Variants in SKAP2 observed in about 807,000 individuals in gnomAD.
SKAP2 encodes the protein src kinase associated phosphoprotein 2, also known as src kinase-associated phosphoprotein 2.
A neutral mutation model predicts 54.9 loss-of-function variants in SKAP2; 28 were observed. The ratio of observed to expected loss-of-function variants is 0.51; its 90% CI spans 0.38 to 0.70. The LOEUF (loss-of-function observed/expected upper bound fraction) is 0.70, where lower values mean the gene tolerates loss of function less well. Ranked by LOEUF, SKAP2 falls within the 30% of genes least tolerant of loss-of-function variation. The pLI, the probability that SKAP2 is intolerant of heterozygous loss-of-function variation, is 0.00. For synonymous variants in SKAP2, 137 were observed against 134.3 expected, an observed-to-expected ratio of 1.02 and a Z score of -0.14; for missense variants, 356 against 424.1, an observed-to-expected ratio of 0.84 and a Z score of 1.41.
intron 4 of SKAP2, among the ~76,000 whole-genome samples, chr7:26,798,912 A>G (rs1783843936): frequency 6.6e-6 from 1 of 152,156 alleles, no homozygotes; most frequent in Non-Finnish European, 1.5e-5. Flanking sequence ...AAAAACATAC[A>G]ACGGACACAC....
intron 6 of SKAP2, among the ~76,000 whole-genome samples, chr7:26,727,344 G>A (rs1787730208): frequency 6.6e-6 from 1 of 152,034 alleles, no homozygotes; most frequent in Non-Finnish European, 1.5e-5. Flanking sequence ...GATTTAGTAG[G>A]CCAGTGGGAA....
intron 6 of SKAP2, 25 bp downstream of exon 6, chr7:26,738,770 T>C (rs774291542): frequency 7.3e-7 from 1 of 1,367,548 alleles, no homozygotes; most frequent in Non-Finnish European, 1.0e-6. Context: ...CAATAGTAGT[T>C]GATATAATTG....
At chr7:26,809,461 CAAA>C (rs1205562284) in intron 4 of SKAP2, among the ~76,000 whole-genome samples, 1 of 151,226 alleles carries the variant, frequency 6.6e-6, no homozygotes. Context: ...AAACTTTTCT[CAAA>C]AGAAGACCTA....
chr7:26,741,925 G>A (rs1434710169), intron 4 of SKAP2, among the ~76,000 whole-genome samples: 3 of 151,764 alleles, frequency 2.0e-5, no homozygotes, highest in East Asian at 3.9e-4. Flanking sequence ...CAGCTCCTTG[G>A]TGGATCAACT....
chr7:26,705,496 T>C (rs1357465883), intron 9 of SKAP2, among the ~76,000 whole-genome samples: 1 of 152,210 alleles, frequency 6.6e-6, no homozygotes, highest in Non-Finnish European at 1.5e-5. Flanking sequence ...ACTATCTGAA[T>C]GTAGTTTAAC....
intron 9 of SKAP2, among the ~76,000 whole-genome samples, chr7:26,714,336 A>AT (rs1228143959): frequency 6.6e-6 from 1 of 152,220 alleles, no homozygotes; most frequent in African/African-American, 2.4e-5. Flanking sequence ...TTCTTTAATA[A>AT]GGAACAAAGG....
chr7:26,794,524 G>A (rs1783731370), intron 4 of SKAP2, among the ~76,000 whole-genome samples: 1 of 152,252 alleles, frequency 6.6e-6, no homozygotes, highest in African/African-American at 2.4e-5. Context: ...ATTCAGGGGA[G>A]GTTGTTAAAT....
intron 4 of SKAP2, among the ~76,000 whole-genome samples, chr7:26,802,484 T>A (rs1054876156): frequency 2.0e-5 from 3 of 152,082 alleles, no homozygotes; most frequent in African/African-American, 7.2e-5. Flanking sequence ...TTGGTCAGGC[T>A]GGTCTCGAGC....
rs148254284 is a variant in SKAP2, at chr7:26,768,091, C to T, written c.308-28127G>A. ...TCTCCCAGTGTCACTGTGTGGGAGT[C>T]TAAGTCTCTTTGTAGGTCTCTAAAA... On this transcript the variant is annotated intron_variant, in intron 4 of 12. Coordinates refer to ENST00000345317, the MANE Select transcript of SKAP2 (RefSeq NM_003930.5). Among the ~76,000 whole-genome samples, 165 of 152,262 alleles carry T rather than the reference C, an allele frequency of 1.1e-3. No individual in the cohort carries two copies. In the East Asian group the frequency reaches 0.029, roughly 27 times the overall value.
Position 26,725,839 on chromosome 7 carries a change from T to C in SKAP2, c.658+84A>G, listed in dbSNP as rs931380507. On this transcript the variant is annotated intron_variant, in intron 8 of 12. Coordinates refer to ENST00000345317, the MANE Select transcript of SKAP2 (RefSeq NM_003930.5). Reference sequence around the variant, plus strand: ...AGTTGGTCATTCTCACAGAAGTCAATAAGCTTTTGTATATGAAAACCCAAA... The same window carrying C: ...AGTTGGTCATTCTCACAGAAGTCAACAAGCTTTTGTATATGAAAACCCAAA... The C allele has an allele frequency of 5.4e-6, 6 of 1,117,130 alleles. No individual in the cohort carries two copies. In the African/African-American group the frequency reaches 7.8e-5, roughly 14 times the overall value. The allele number at this position is 1,117,130 out of a possible 1,614,324, so 69.2% of individuals were successfully genotyped here.
intron 4 of SKAP2, among the ~76,000 whole-genome samples, chr7:26,831,138 A>T (rs1242676182): frequency 6.6e-6 from 1 of 152,160 alleles, no homozygotes; most frequent in Non-Finnish European, 1.5e-5. Flanking sequence ...AAAAGTTTGT[A>T]AATTTTTAGT....
chr7:26,706,849 G>A (rs1787168676), intron 9 of SKAP2, among the ~76,000 whole-genome samples: 1 of 152,146 alleles, frequency 6.6e-6, no homozygotes, highest in Non-Finnish European at 1.5e-5. Flanking sequence ...GACTTCAAAT[G>A]CAAATATGTA....
chr7:26,846,111 T>G (rs1784916117), intron 3 of SKAP2, among the ~76,000 whole-genome samples: 1 of 152,110 alleles, frequency 6.6e-6, no homozygotes, highest in Non-Finnish European at 1.5e-5. Context: ...TTTACATTCT[T>G]AATGAAATTA....
chr7:26,808,408 G>A (rs1784071609), intron 4 of SKAP2, among the ~76,000 whole-genome samples: 1 of 152,132 alleles, frequency 6.6e-6, no homozygotes, highest in African/African-American at 2.4e-5. Flanking sequence ...GAAGTACCTA[G>A]AACAGGCCAA....
Position 26,788,903 on chromosome 7 carries a change from C to T in SKAP2, c.308-48939G>A, listed in dbSNP as rs111531854. Among the ~76,000 whole-genome samples the T allele has an allele frequency of 2.3e-3, 357 of 152,122 alleles. 4 individuals carry two copies. Among genetic ancestry groups the T allele is most frequent in the African/African-American group, 7.9e-3 (328 of 41,496 alleles). On this transcript the variant is annotated intron_variant, in intron 4 of 12. Transcript: ENST00000345317. Reference sequence around the variant, plus strand: ...GACAATTTTCTGAACATAGTCTCTTCGGAATAATTATAAACAGAATGTAAA... The same window carrying T: ...GACAATTTTCTGAACATAGTCTCTTTGGAATAATTATAAACAGAATGTAAA...
At chr7:26,662,755 T>C (rs1304219133), downstream of SKAP2, among the ~76,000 whole-genome samples, 2 of 152,162 alleles carry the variant, frequency 1.3e-5, no homozygotes, top group Non-Finnish European at 2.9e-5. Context: ...TTTCAGGTTT[T>C]TCAATTCAGG....
At chr7:26,704,812 C>G (rs1013834020) in intron 9 of SKAP2, among the ~76,000 whole-genome samples, 1 of 152,126 alleles carries the variant, frequency 6.6e-6, no homozygotes, top group Non-Finnish European at 1.5e-5. Context: ...CTTCAAAGTA[C>G]GTAAGAATAA....
At chr7:26,654,975 G>C in the SKAP2 span, among the ~76,000 whole-genome samples, 1 of 152,216 alleles carries the variant, frequency 6.6e-6, no homozygotes, top group Non-Finnish European at 1.5e-5. Context: ...GTCCCCAGGT[G>C]TATCAGATGG....
chr7:26,814,629 T>C (rs974999801), intron 4 of SKAP2, among the ~76,000 whole-genome samples: 2 of 151,370 alleles, frequency 1.3e-5, no homozygotes, highest in Non-Finnish European at 2.9e-5. Context: ...GCCATTATTA[T>C]AATGCAACAT....
Sources: allele counts gnomAD v4.1 joint callset (sites outside exome capture counted in the v4.1 genomes callset), GRCh38; gene constraint gnomAD v4.1.1; transcripts MANE v1.5; gene names NCBI Gene and HGNC (gene_info 2026-07-23, HGNC 2026-07-21).